Variants in BIN2 observed in about 807,000 individuals in gnomAD.
BIN2 encodes bridging integrator 2, also known as breast cancer associated protein BRAP1.
In BIN2, 43 loss-of-function variants were observed where a neutral mutation model predicts 67.9. The ratio of observed to expected loss-of-function variants is 0.63; its 90% CI spans 0.50 to 0.82. The LOEUF is 0.82. BIN2 is among the 40% of genes least tolerant of loss of function. BIN2 has a pLI of 0.00. For synonymous variants in BIN2, 244 were observed against 246.8 expected, an observed-to-expected ratio of 0.99 and a Z score of 0.11; for missense variants, 581 against 671.6, an observed-to-expected ratio of 0.87 and a Z score of 1.49.
At chr12:51,286,213 AAT>A (rs1305907892) in intron 11 of BIN2, among the ~76,000 whole-genome samples, 4 of 152,152 alleles carry the variant, frequency 2.6e-5, no homozygotes, top group Non-Finnish European at 5.9e-5. Context: ...CCTGAGAGAA[AAT>A]ATGATTTATA....
intron 7 of BIN2, among the ~76,000 whole-genome samples, chr12:51,298,482 G>A (rs531596227): frequency 6.6e-6 from 1 of 151,904 alleles, no homozygotes; most frequent in Non-Finnish European, 1.5e-5. Flanking sequence ...GAACCCGGGA[G>A]GCATAGGTTA....
rs201485668 is a variant in BIN2 at position 51,315,171 on chromosome 12, A to ATT, written c.82-1270_82-1269dup. Among the ~76,000 whole-genome samples the ATT allele has an allele frequency of 9.5e-5, 14 of 146,818 alleles. No individual in the cohort carries two copies. In the East Asian group the frequency reaches 2.7e-3, roughly 29 times the overall value. ...GCTGGCTGGCATTGTTATTATTATTATTATTTTTTTTTTTTTGAGACGGAG... is the reference window on the plus strand; with the variant it reads ...GCTGGCTGGCATTGTTATTATTATTATTTTATTTTTTTTTTTTTGAGACGGAG... On this transcript the variant is annotated intron_variant, in intron 1 of 12. Coordinates refer to ENST00000615107, the MANE Select transcript of BIN2 (RefSeq NM_016293.4).
intron 2 of BIN2, among the ~76,000 whole-genome samples, chr12:51,308,014 T>C (rs1003099867): frequency 2.0e-5 from 3 of 151,728 alleles, no homozygotes; most frequent in African/African-American, 7.3e-5. Context: ...TGAGAGTGAG[T>C]GTGTGTGTGT....
intron 1 of BIN2, among the ~76,000 whole-genome samples, chr12:51,316,116 G>C (rs764489392): frequency 3.3e-5 from 5 of 152,114 alleles, no homozygotes; most frequent in Non-Finnish European, 5.9e-5. Context: ...TACCTGGCCT[G>C]CTGCAATAGG....
At chr12:51,301,515 T>C (rs1472306396) in intron 5 of BIN2, among the ~76,000 whole-genome samples, 1 of 152,062 alleles carries the variant, frequency 6.6e-6, no homozygotes, top group African/African-American at 2.4e-5. Flanking sequence ...TTTATTTTAT[T>C]TATTTACTTT....
intron 3 of BIN2, 141 bp from the exon 4 acceptor site, chr12:51,302,921 G>A (rs1945767871): frequency 9.0e-7 from 1 of 1,114,438 alleles, no homozygotes; most frequent in South Asian, 1.3e-5. Context: ...AGCTGGATGG[G>A]GCTGAAAGGA....
intron 12 of BIN2, among the ~76,000 whole-genome samples, chr12:51,281,742 T>G (rs1945123812): frequency 6.6e-6 from 1 of 152,132 alleles, no homozygotes; most frequent in Non-Finnish European, 1.5e-5. Context: ...TTTATGATGA[T>G]TCACAGGAGA....
At chr12:51,292,762 G>A (rs1481634056) in intron 9 of BIN2, among the ~76,000 whole-genome samples, 1 of 152,098 alleles carries the variant, frequency 6.6e-6, no homozygotes, top group African/African-American at 2.4e-5. Flanking sequence ...TGCCTGGCAC[G>A]CACTTTCCAG....
At chr12:51,285,506 A>G (rs1945213529) in intron 11 of BIN2, among the ~76,000 whole-genome samples, 1 of 152,206 alleles carries the variant, frequency 6.6e-6, no homozygotes, top group Non-Finnish European at 1.5e-5. Flanking sequence ...AGAAACTGCT[A>G]TGCTAGGGGA....
chr12:51,282,433 C>G (rs1303852695), intron 12 of BIN2, among the ~76,000 whole-genome samples: 1 of 152,144 alleles, frequency 6.6e-6, no homozygotes, highest in Non-Finnish European at 1.5e-5. Flanking sequence ...CAGCACAACA[C>G]ATTACTCACA....
chr12:51,315,501 G>A (rs1023302876), intron 1 of BIN2, among the ~76,000 whole-genome samples: 1 of 152,150 alleles, frequency 6.6e-6, no homozygotes, highest in Admixed American at 6.5e-5. Flanking sequence ...GGGTTTTTGA[G>A]AAGGAAGGAG....
chr12:51,322,447 T>C (rs1184150221), intron 1 of BIN2: 1 of 152,226 alleles, frequency 6.6e-6, no homozygotes, highest in African/African-American at 2.4e-5. Flanking sequence ...TTGAGTGTGG[T>C]GTGGTGTGAT....
intron 1 of BIN2, 21 bp from the exon 2 acceptor site, chr12:51,313,924 G>A (rs760898177): frequency 3.1e-6 from 5 of 1,599,928 alleles, no homozygotes; most frequent in South Asian, 1.1e-5. Flanking sequence ...AAGTCAGAAA[G>A]GCCCGTAAGG....
At chr12:51,281,566 C>A (rs755750201) in intron 12 of BIN2, 38 bp from the exon 13 acceptor site, 2 of 1,610,892 alleles carry the variant, frequency 1.2e-6, no homozygotes, top group East Asian at 4.5e-5. Flanking sequence ...TGTTGACCTG[C>A]CTTCCCACCA....
At chr12:51,323,981 C>A in intron 1 of BIN2, 41 bp downstream of exon 1, 2 of 1,606,900 alleles carry the variant, frequency 1.2e-6, no homozygotes, top group South Asian at 1.1e-5. Flanking sequence ...TCGGCCTCGG[C>A]TCCCTGTGGG....
chr12:51,294,007 G>A (rs1296584822), intron 9 of BIN2, among the ~76,000 whole-genome samples: 2 of 152,116 alleles, frequency 1.3e-5, no homozygotes, highest in African/African-American at 4.8e-5. Context: ...AGAAACTCTT[G>A]ATAATATTCA....
At chr12:51,286,758 C>A (rs1945245222) in intron 11 of BIN2, among the ~76,000 whole-genome samples, 1 of 152,198 alleles carries the variant, frequency 6.6e-6, no homozygotes, top group African/African-American at 2.4e-5. Flanking sequence ...CATGTCCTGC[C>A]TATCTCTCTC....
chr12:51,283,957 C>T lies in BIN2; in HGVS notation c.1668+759G>A, dbSNP rs913554232. 2.0e-5 allele frequency among the ~76,000 whole-genome samples: 3 copies of T among 146,902 alleles called. No homozygotes were observed. The East Asian group carries it at 6.0e-4, about 29-fold the overall frequency. On this transcript the variant is annotated intron_variant, in intron 12 of 12. Coordinates refer to ENST00000615107, the MANE Select transcript of BIN2 (RefSeq NM_016293.4). ...GCGGTGAGCCGAGATCATGCCATTG[C>T]ACTCCAACCTGGGCAACAAGAGTGA... is the stretch of plus-strand genomic sequence containing the variant.
intron 2 of BIN2, among the ~76,000 whole-genome samples, chr12:51,304,582 G>T (rs1241972057): frequency 1.3e-5 from 2 of 152,228 alleles, no homozygotes; most frequent in Non-Finnish European, 2.9e-5. Context: ...CCAGCCTACA[G>T]ATCAGAACAG....
Sources: allele counts gnomAD v4.1 joint callset (sites outside exome capture counted in the v4.1 genomes callset), GRCh38; gene constraint gnomAD v4.1.1; transcripts MANE v1.5; gene names NCBI Gene and HGNC (gene_info 2026-07-23, HGNC 2026-07-21).